The following UTRN variants were observed in gnomAD, a reference collection of about 807,000 sequenced individuals.
The protein encoded by UTRN is dystrophin-related protein 1.
UTRN carries 283 observed loss-of-function variants against 463.9 expected under a neutral mutation model. The ratio of observed to expected loss-of-function variants is 0.61; its 90% confidence interval spans 0.55 to 0.67. UTRN has a LOEUF of 0.67. Ranked by LOEUF, UTRN falls within the 30% of genes least tolerant of loss-of-function variation. The pLI, the probability that UTRN is intolerant of heterozygous loss-of-function variation, is 0.00. For synonymous variants in UTRN, 1,442 were observed against 1,431.5 expected, an observed-to-expected ratio of 1.01 and a Z score of -0.17; for missense variants, 3,922 against 4,084.3, an observed-to-expected ratio of 0.96 and a Z score of 1.08.
intron 52 of UTRN, among the ~76,000 whole-genome samples, chr6:144,693,630 A>G (rs1418183304): frequency 6.6e-6 from 1 of 151,934 alleles, no homozygotes; most frequent in Admixed American, 6.6e-5. Context: ...TATACTCGTA[A>G]GTAATTTATT....
intron 72 of UTRN, 58 bp from the exon 73 acceptor site, chr6:144,840,682 G>A: frequency 1.3e-6 from 2 of 1,589,418 alleles, no homozygotes; most frequent in Non-Finnish European, 1.7e-6. Context: ...TTGGGTTTTA[G>A]TGGAAGGCTA....
intron 1 of UTRN, 78 bp downstream of exon 1, chr6:144,285,899 G>A (rs1272403385): frequency 2.0e-5 from 3 of 152,422 alleles, no homozygotes; most frequent in African/African-American, 7.2e-5. Context: ...GGGCCGGGAG[G>A]AGGATGGCTC....
rs192426891 is a variant in UTRN, at chr6:144,466,032, T to C, written c.3066+3166T>C. Reference sequence around the variant, plus strand: ...TTTTCTTCCCCAATACCATTTTCTTTCCTGGGGGCAGCTAATATTAACAGT... The same window carrying C: ...TTTTCTTCCCCAATACCATTTTCTTCCCTGGGGGCAGCTAATATTAACAGT... On this transcript the variant is annotated intron_variant, in intron 23 of 74. Coordinates refer to ENST00000367545, the MANE Select transcript of UTRN (RefSeq NM_007124.3). Among the ~76,000 whole-genome samples the C allele has an allele frequency of 8.5e-4, 130 of 152,346 alleles. 1 individual carries two copies. Among genetic ancestry groups the C allele is most frequent in the East Asian group, 8.1e-3 (42 of 5,188 alleles).
rs369120072 is a variant in UTRN, at chr6:144,790,485, A to T, written c.8920+1206A>T. On this transcript the variant is annotated intron_variant, in intron 62 of 74. Coordinates refer to ENST00000367545, the MANE Select transcript of UTRN (RefSeq NM_007124.3). ...TTTTGAATTTCAGGTCTAGACCATGATGGCTTGTTTTTTCTACATAGTTTG... is the reference window on the plus strand; with the variant it reads ...TTTTGAATTTCAGGTCTAGACCATGTTGGCTTGTTTTTTCTACATAGTTTG... Among the ~76,000 whole-genome samples, 4 of 152,318 alleles carry T rather than the reference A, an allele frequency of 2.6e-5. No homozygotes were observed. The East Asian group carries it at 7.7e-4, about 29-fold the overall frequency.
At chr6:144,290,752 C>CTTT (rs200477118) in intron 1 of UTRN, among the ~76,000 whole-genome samples, 15 of 99,168 alleles carry the variant, frequency 1.5e-4, no homozygotes, top group Admixed American at 3.4e-4. Flanking sequence ...CCACAATCGT[C>CTTT]TTTTTTTTTT....
At chr6:144,449,426 A>T (rs913697001) in intron 17 of UTRN, among the ~76,000 whole-genome samples, 4 of 152,154 alleles carry the variant, frequency 2.6e-5, no homozygotes, top group Admixed American at 2.6e-4. Context: ...ATTTCCTAGA[A>T]TGTAGACACC....
chr6:144,388,354 T>A (rs189763463), intron 2 of UTRN, among the ~76,000 whole-genome samples: 2 of 152,020 alleles, frequency 1.3e-5, no homozygotes, highest in South Asian at 4.1e-4. Context: ...TACTTTGTTG[T>A]CCCACTGGAG....
chr6:144,668,141 G>A (rs940572685), intron 51 of UTRN, among the ~76,000 whole-genome samples: 3 of 152,148 alleles, frequency 2.0e-5, no homozygotes, highest in Non-Finnish European at 4.4e-5. Context: ...TTAGTGTCAT[G>A]TTAGACATCT....
chr6:144,628,926 T>G (rs1776226998), intron 51 of UTRN, among the ~76,000 whole-genome samples: 1 of 152,182 alleles, frequency 6.6e-6, no homozygotes, highest in Non-Finnish European at 1.5e-5. Context: ...TGTGTGGCAT[T>G]GGACCTGTAA....
At chr6:144,337,176 CAG>C (rs1246408184) in intron 2 of UTRN, among the ~76,000 whole-genome samples, 8,565 of 145,562 alleles carry the variant, frequency 0.059, 829 homozygotes, top group African/African-American at 0.21. Context: ...CACACACACA[CAG>C]ACACACACAC....
Position 144,436,001 on chromosome 6 carries a change from G to C in UTRN, c.922G>C (p.Asp308His). The change falls in exon 10 of 75, where the codon GAC becomes CAC. Residue 308 changes from aspartate (D) to histidine (H), a missense_variant. Physicochemically the swap from Asp to His is moderately conservative, Grantham distance 81. Around this residue, in one of 3 missense-constraint regions of UTRN, gnomAD observed 2,349 missense variants for 2,303.8 expected, o/e 1.02. Coordinates refer to ENST00000367545, the MANE Select transcript of UTRN (RefSeq NM_007124.3). The part of the protein sequence containing the change: ...AETPSTVTEV[D>H]MDLDSYQIAL... ...AACTCCCAGCACTGTCACTGAGGTTGACATGGATCTGGACAGCTATCAGAT... is the reference window on the plus strand; with the variant it reads ...AACTCCCAGCACTGTCACTGAGGTTCACATGGATCTGGACAGCTATCAGAT... 1.2e-6 allele frequency: 2 copies of C among 1,614,206 alleles called. No individual in the cohort carries two copies. Among genetic ancestry groups the C allele is most frequent in the Non-Finnish European group, 1.7e-6 (2 of 1,180,046 alleles).
chr6:144,367,651 A>G (rs1459546467), intron 2 of UTRN, among the ~76,000 whole-genome samples: 3 of 152,204 alleles, frequency 2.0e-5, no homozygotes, highest in African/African-American at 4.8e-5. Flanking sequence ...TTGTTCTTAT[A>G]TGGATAAATT....
At chr6:144,715,615 C>T (rs915971265) in intron 53 of UTRN, among the ~76,000 whole-genome samples, 3 of 151,950 alleles carry the variant, frequency 2.0e-5, no homozygotes, top group Admixed American at 1.3e-4. Flanking sequence ...CCCAAAATGC[C>T]CCTTCTTTAC....
intron 54 of UTRN, among the ~76,000 whole-genome samples, chr6:144,740,903 C>A (rs1216543107): frequency 6.6e-6 from 1 of 152,136 alleles, no homozygotes; most frequent in East Asian, 1.9e-4. Flanking sequence ...AGTGTTACAG[C>A]CATTCATAAA....
At chr6:144,611,509 G>A (rs1400780824) in intron 51 of UTRN, among the ~76,000 whole-genome samples, 1 of 152,138 alleles carries the variant, frequency 6.6e-6, no homozygotes, top group African/African-American at 2.4e-5. Flanking sequence ...GATTAATAAA[G>A]TTGCAGGATA....
intron 46 of UTRN, among the ~76,000 whole-genome samples, chr6:144,544,635 C>A (rs2128608442): frequency 6.6e-6 from 1 of 152,246 alleles, no homozygotes; most frequent in South Asian, 2.1e-4. Context: ...GACAGTCCTA[C>A]CGTACTTTCT....
intron 3 of UTRN, among the ~76,000 whole-genome samples, chr6:144,408,257 T>C (rs1028270690): frequency 2.6e-5 from 4 of 152,336 alleles, no homozygotes; most frequent in East Asian, 3.9e-4. Context: ...TTGTATGGTG[T>C]GTATGACTTG....
In UTRN at chr6:144,782,079, C is replaced by T. The variant is rs10499236; in HGVS notation, c.8790C>T (p.Leu2930=). The change falls in exon 61 of 75, where the codon CTC becomes CTT. Residue 2930 remains leucine, a synonymous_variant. Transcript: ENST00000367545. ...QMHKDLVNVP[L]CVDMCLNWLL... is the part of the protein sequence containing the mutation. Reference sequence around the variant, plus strand: ...ATAAGGACCTGGTCAACGTTCCACTCTGTGTTGATATGTGTCTCAATTGGT... The same window carrying T: ...ATAAGGACCTGGTCAACGTTCCACTTTGTGTTGATATGTGTCTCAATTGGT... 74,035 of 1,613,696 alleles carry T rather than the reference C, an allele frequency of 0.046. 1,928 individuals are homozygous for T. The highest frequency in any genetic ancestry group is 0.075 in the South Asian group (6,829 of 90,984).
At chr6:144,766,916 G>C (rs1793424365) in intron 58 of UTRN, among the ~76,000 whole-genome samples, 2 of 152,068 alleles carry the variant, frequency 1.3e-5, no homozygotes. Flanking sequence ...GGAAGAATTG[G>C]CCTTTAATAA....
Sources: allele counts gnomAD v4.1 joint callset (sites outside exome capture counted in the v4.1 genomes callset), GRCh38; gene constraint gnomAD v4.1.1; regional missense constraint gnomAD v4.1.1; transcripts MANE v1.5; gene names NCBI Gene and HGNC (gene_info 2026-07-23, HGNC 2026-07-21).